The following SKIL variants were observed in gnomAD, a reference collection of about 807,000 sequenced individuals.
SKIL encodes the protein SKI like proto-oncogene.
A neutral mutation model predicts 69.6 loss-of-function variants in SKIL; 20 were observed. The observed-to-expected ratio is 0.29, with a 90% CI of 0.20 to 0.42. The LOEUF is 0.42. SKIL is among the 10% of genes least tolerant of loss of function. The probability of loss-of-function intolerance (pLI) is 1.00; values close to 1 mark genes in which losing one functional copy is unlikely to be tolerated. For synonymous variants in SKIL, 310 were observed against 279.9 expected, an observed-to-expected ratio of 1.11 and a Z score of -1.08; for missense variants, 745 against 783.1, an observed-to-expected ratio of 0.95 and a Z score of 0.58.
In SKIL at chr3:170,360,471, C is replaced by CCA; in HGVS notation, c.140_141insCA (p.Thr48LysfsTer36). 6.2e-7 allele frequency: 1 copy of CCA among 1,613,902 alleles called. No individual in the cohort carries two copies. Among genetic ancestry groups the CCA allele is most frequent in the Non-Finnish European group, 8.5e-7 (1 of 1,179,970 alleles). On this transcript the variant is annotated frameshift_variant, in exon 2 of 7. Transcript: ENST00000259119. LOFTEE classifies it high-confidence loss of function. Reference sequence around the variant, plus strand: ...AATGGAAAAACGATAAACAAGGTGCCAACAGTTAAGAAGGAACACTTGGAT... The same window carrying CCA: ...AATGGAAAAACGATAAACAAGGTGCCCAAACAGTTAAGAAGGAACACTTGGAT...
chr3:170,368,845 C>G (rs888648948), intron 2 of SKIL, among the ~76,000 whole-genome samples: 3 of 152,084 alleles, frequency 2.0e-5, no homozygotes, highest in African/African-American at 7.2e-5. Flanking sequence ...TTATTTTCGA[C>G]TTGTTACCCA....
At position 170,390,401 on chromosome 3, in the gene SKIL, A is replaced by T. The variant is rs1311315051; in HGVS notation, c.1608A>T (p.Arg536Ser). The change falls in exon 5 of 7, where the codon AGA becomes AGT. Residue 536 changes from arginine to serine, a missense_variant. Physicochemically the swap from Arg to Ser is moderately radical, Grantham distance 110 (BLOSUM62 -1). Transcript: ENST00000259119. ...GAAAAATCATGGAAGAAGTAATGAG[A>T]ACTTATTTAAAACAACAGGAAAAAC... ...DKGKIMEEVM[R>S]TYLKQQEKLN... The T allele has an allele frequency of 1.8e-5, 29 of 1,613,016 alleles. No individual in the cohort carries two copies. The highest frequency in any genetic ancestry group is 2.1e-5 in the Non-Finnish European group (25 of 1,179,052).
chr3:170,380,408 T>G (rs988352228), intron 2 of SKIL, among the ~76,000 whole-genome samples: 4 of 152,108 alleles, frequency 2.6e-5, no homozygotes, highest in Non-Finnish European at 5.9e-5. Flanking sequence ...TTTGGGAGGC[T>G]GAGGAGCAGG....
chr3:170,371,438 C>T (rs748647363), intron 2 of SKIL, among the ~76,000 whole-genome samples: 2 of 152,094 alleles, frequency 1.3e-5, no homozygotes, highest in Non-Finnish European at 2.9e-5. Flanking sequence ...ATCCAGGAAT[C>T]GGAGGTTGCA....
chr3:170,379,607 A>C (rs1034418104), intron 2 of SKIL, among the ~76,000 whole-genome samples: 1 of 152,096 alleles, frequency 6.6e-6, no homozygotes, highest in Non-Finnish European at 1.5e-5. Context: ...TAGTAACCAC[A>C]GATCATTTAT....
At position 170,394,432 on chromosome 3, in the gene SKIL, A is replaced by G. The variant is rs1157287969; in HGVS notation, c.*2015A>G. The G allele has an allele frequency of 2.0e-5, 3 of 152,160 alleles. No individual in the cohort carries two copies. Among genetic ancestry groups the G allele is most frequent in the Non-Finnish European group, 4.4e-5 (3 of 68,022 alleles). The allele number at this position is 152,160 out of a possible 1,614,324, so 9.4% of individuals were successfully genotyped here. A position where few individuals can be genotyped will look rare whatever the true frequency, so the allele number is the denominator to read the frequency against. On this transcript the variant is annotated 3_prime_UTR_variant, in exon 7 of 7. Coordinates refer to ENST00000259119, the MANE Select transcript of SKIL (RefSeq NM_005414.5). ...GTGTCACAGCTCAGCTTTTTGGAAG[A>G]CAAACTCAAACACCTATAATTTCAT...
rs376902100 is a variant in SKIL, at chr3:170,366,696, G to GACACACACACACAC, written c.1098+5273_1098+5286dup. On this transcript the variant is annotated intron_variant, in intron 2 of 6. Coordinates refer to ENST00000259119, the MANE Select transcript of SKIL (RefSeq NM_005414.5). Reference sequence around the variant, plus strand: ...AAACACACACACACACACACACACAGACACACACACACACACACATACTTG... The same window carrying GACACACACACACAC: ...AAACACACACACACACACACACACAGACACACACACACACACACACACACACACACACATACTTG... Among the ~76,000 whole-genome samples, 196 of 147,688 alleles carry GACACACACACACAC rather than the reference G, an allele frequency of 1.3e-3. 1 individual carries two copies. The highest frequency in any genetic ancestry group is 4.5e-3 in the African/African-American group (179 of 39,740).
chr3:170,385,064 A>G, intron 4 of SKIL: 1 of 193,426 alleles, frequency 5.2e-6, no homozygotes, highest in Non-Finnish European at 1.1e-5. Context: ...TCTTCAGGAG[A>G]TCCTTGTTTT....
rs559327626 is a variant in SKIL, at chr3:170,394,115, ATTTTTTTTTTTTTTTTTT to A, written c.*1712_*1729del. The A allele has an allele frequency of 2.7e-5, 2 of 74,324 alleles. No homozygotes were observed. Among genetic ancestry groups the A allele is most frequent in the Non-Finnish European group, 4.9e-5 (2 of 40,880 alleles). 4.6% of individuals were successfully genotyped at this position (74,324 alleles called of 1,614,324 possible). A position where few individuals can be genotyped will look rare whatever the true frequency, so the allele number is the denominator to read the frequency against. On this transcript the variant is annotated 3_prime_UTR_variant, in exon 7 of 7. Coordinates refer to ENST00000259119, the MANE Select transcript of SKIL (RefSeq NM_005414.5). ...ATATTAAAATGACATGTAGAAACAAATTTTTTTTTTTTTTTTTTTTTTTTTTTTTTTGAGACAGAGTCT... is the reference window on the plus strand; with the variant it reads ...ATATTAAAATGACATGTAGAAACAAATTTTTTTTTTTTTGAGACAGAGTCT...
At chr3:170,381,219 G>C (rs372922124) in intron 2 of SKIL, 25 bp from the exon 3 acceptor site, 18 of 1,259,146 alleles carry the variant, frequency 1.4e-5, no homozygotes, top group Non-Finnish European at 2.0e-5. Flanking sequence ...TTCAATAAAT[G>C]TTTCCCTTCC....
chr3:170,380,608 A>C (rs1737287454), intron 2 of SKIL, among the ~76,000 whole-genome samples: 1 of 151,732 alleles, frequency 6.6e-6, no homozygotes, highest in South Asian at 2.1e-4. Context: ...GCGCCACTGC[A>C]CTCCAGCCTG....
intron 4 of SKIL, among the ~76,000 whole-genome samples, chr3:170,387,933 C>CAAAAAA (rs541166783): frequency 2.5e-4 from 13 of 51,058 alleles, no homozygotes; most frequent in East Asian, 6.6e-4. Context: ...GACTCCGTCT[C>CAAAAAA]AAAAAAAAAA....
At chr3:170,389,229 A>G (rs992007451) in intron 4 of SKIL, among the ~76,000 whole-genome samples, 1 of 151,750 alleles carries the variant, frequency 6.6e-6, no homozygotes, top group East Asian at 1.9e-4. Flanking sequence ...ATCAGTTTAG[A>G]GTTAATTTTT....
At chr3:170,372,197 G>A (rs1198493180) in intron 2 of SKIL, among the ~76,000 whole-genome samples, 2 of 152,096 alleles carry the variant, frequency 1.3e-5, no homozygotes, top group Non-Finnish European at 2.9e-5. Context: ...GTTCTAAAGG[G>A]GATGTTATAT....
At chr3:170,375,608 C>A (rs1736992202) in intron 2 of SKIL, among the ~76,000 whole-genome samples, 1 of 152,160 alleles carries the variant, frequency 6.6e-6, no homozygotes, top group Admixed American at 6.5e-5. Flanking sequence ...AAGCCCCACA[C>A]TGTTGCCTAG....
At chr3:170,372,604 A>G (rs1443414377) in intron 2 of SKIL, among the ~76,000 whole-genome samples, 1 of 152,196 alleles carries the variant, frequency 6.6e-6, no homozygotes, top group African/African-American at 2.4e-5. Context: ...GAAACCTGAT[A>G]GTGTACTGAG....
chr3:170,380,650 A>T (rs1737291209), intron 2 of SKIL, among the ~76,000 whole-genome samples: 1 of 152,030 alleles, frequency 6.6e-6, no homozygotes, highest in African/African-American at 2.4e-5. Context: ...CTCAAAAAAA[A>T]AAAAAAAATA....
chr3:170,390,328 C>A lies in SKIL; in HGVS notation c.1535C>A (p.Ala512Asp), dbSNP rs747975807. ...NKVGIGLVAA[A>D]SSPLLVKDVI... ...GTGGGAATTGGCCTTGTTGCTGCCG[C>A]TTCATCTCCGCTTCTTGTGAAAGAT... Residue 512 changes from alanine to aspartate, a missense_variant, in exon 5 of 7, where the codon GCT becomes GAT. By Grantham distance (126) the Ala-to-Asp change is moderately radical. Transcript: ENST00000259119. 7.4e-6 allele frequency: 12 copies of A among 1,614,022 alleles called. No homozygotes were observed. Among genetic ancestry groups the A allele is most frequent in the Non-Finnish European group, 1.0e-5 (12 of 1,179,988 alleles).
At chr3:170,386,281 C>T (rs1462170742) in intron 4 of SKIL, among the ~76,000 whole-genome samples, 1 of 151,712 alleles carries the variant, frequency 6.6e-6, no homozygotes, top group African/African-American at 2.4e-5. Flanking sequence ...TAGGCATGCA[C>T]CACCACGCCC....
Sources: allele counts gnomAD v4.1 joint callset (sites outside exome capture counted in the v4.1 genomes callset), GRCh38; gene constraint gnomAD v4.1.1; transcripts MANE v1.5; gene names NCBI Gene and HGNC (gene_info 2026-07-23, HGNC 2026-07-21).